NPAS3: variants seen among roughly 807,000 people sequenced by gnomAD.
NPAS3 encodes neuronal PAS domain-containing protein 3.
In NPAS3, 14 loss-of-function variants were observed where a neutral mutation model predicts 73.1. The ratio of observed to expected loss-of-function variants is 0.19; its 90% confidence interval spans 0.13 to 0.30. NPAS3 has a LOEUF of 0.30. NPAS3 is among the 10% of genes least tolerant of loss of function. The pLI is 1.00. For synonymous variants in NPAS3, 620 were observed against 541.5 expected (o/e 1.14, Z -2.01); for missense variants, 1,096 against 1,250.0 (o/e 0.88, Z 1.86).
chr14:33,263,496 A>C (rs916269470), intron 3 of NPAS3, among the ~76,000 whole-genome samples: 1 of 152,330 alleles, frequency 6.6e-6, no homozygotes, highest in Non-Finnish European at 1.5e-5. Context: ...TTTTGGTACC[A>C]GTACCACGCT....
intron 3 of NPAS3, among the ~76,000 whole-genome samples, chr14:33,242,928 C>G (rs1290305218): frequency 6.6e-6 from 1 of 151,914 alleles, no homozygotes. Flanking sequence ...AACGAGTGGC[C>G]CTTAAAGTCT....
intron 7 of NPAS3, among the ~76,000 whole-genome samples, chr14:33,738,937 A>G (rs2061591179): frequency 6.6e-6 from 1 of 152,180 alleles, no homozygotes; most frequent in Admixed American, 6.6e-5. Flanking sequence ...GGGAAGACTA[A>G]TTGGGTCGCC....
At chr14:33,526,896 T>C (rs1486027786) in intron 4 of NPAS3, among the ~76,000 whole-genome samples, 2 of 152,102 alleles carry the variant, frequency 1.3e-5, no homozygotes, top group African/African-American at 4.8e-5. Flanking sequence ...TAACCTAATA[T>C]TCATTCATTT....
At chr14:33,321,841 A>C (rs2043460815) in intron 3 of NPAS3, among the ~76,000 whole-genome samples, 3 of 152,182 alleles carry the variant, frequency 2.0e-5, no homozygotes, top group Non-Finnish European at 4.4e-5. Flanking sequence ...CAGTAACTGG[A>C]AAGTTCTTAA....
chr14:33,109,810 CTTTTT>C (rs67439887), intron 2 of NPAS3, among the ~76,000 whole-genome samples: 3 of 86,974 alleles, frequency 3.4e-5, no homozygotes, highest in Non-Finnish European at 6.3e-5. Flanking sequence ...ATTTGCATGT[CTTTTT>C]TTTTTTTTTT....
intron 1 of NPAS3, among the ~76,000 whole-genome samples, chr14:32,989,694 T>C (rs1356821664): frequency 5.9e-5 from 9 of 152,060 alleles, no homozygotes; most frequent in Non-Finnish European, 1.3e-4. Context: ...AAAAACCTTG[T>C]ATTCTATGCA....
chr14:33,509,617 C>A (rs2052941527), intron 4 of NPAS3, among the ~76,000 whole-genome samples: 1 of 151,896 alleles, frequency 6.6e-6, no homozygotes, highest in Non-Finnish European at 1.5e-5. Context: ...GTTAAGGAGA[C>A]CTGGAGGAGG....
chr14:33,307,874 C>T (rs1281011813), intron 3 of NPAS3, among the ~76,000 whole-genome samples: 2 of 152,238 alleles, frequency 1.3e-5, no homozygotes, highest in African/African-American at 4.8e-5. Flanking sequence ...TATTTTCCTG[C>T]CTGGGTGAGT....
intron 2 of NPAS3, among the ~76,000 whole-genome samples, chr14:33,095,661 T>TTTC (rs2042385128): frequency 8.4e-6 from 1 of 119,204 alleles, no homozygotes. Flanking sequence ...TCTCTGCTTT[T>TTTC]ATTTTTTTAT....
rs2062775041 is a variant in NPAS3 at position 33,775,237 on chromosome 14, G to A, written c.1046+707G>A. 1.3e-5 allele frequency among the ~76,000 whole-genome samples: 2 copies of A among 152,148 alleles called. 1 individual carries two copies. The highest frequency in any genetic ancestry group is 4.2e-4 in the South Asian group (2 of 4,816). On this transcript the variant is annotated intron_variant, in intron 8 of 11. Transcript: ENST00000356141. ...TCAGCAGCCCCTTATCAGACTGATTGGAAGAGGAAACCATGGGGTGCAGGG... is the reference window on the plus strand; with the variant it reads ...TCAGCAGCCCCTTATCAGACTGATTAGAAGAGGAAACCATGGGGTGCAGGG...
chr14:33,077,901 A>AT lies in NPAS3; in HGVS notation c.140+21911dup, dbSNP rs1383592662. Among the ~76,000 whole-genome samples the AT allele has an allele frequency of 8.0e-5, 12 of 150,622 alleles. No homozygotes were observed. In the Admixed American group the frequency reaches 8.0e-4, roughly 10 times the overall value. ...AGTGGCTCACGCCTGTAATCCTCGC[A>AT]TTTTGGGAAGCTGATTGCCTGAGCT... On this transcript the variant is annotated intron_variant, in intron 2 of 11. Transcript: ENST00000356141.
chr14:33,314,167 C>A (rs1298585550), intron 3 of NPAS3, among the ~76,000 whole-genome samples: 1 of 151,928 alleles, frequency 6.6e-6, no homozygotes, highest in Non-Finnish European at 1.5e-5. Context: ...TTAGATCAAT[C>A]CAAAGGGTTT....
At chr14:32,944,848 T>C (rs535479349) in intron 1 of NPAS3, among the ~76,000 whole-genome samples, 2 of 152,228 alleles carry the variant, frequency 1.3e-5, no homozygotes, top group Non-Finnish European at 2.9e-5. Flanking sequence ...GGTGAATTAA[T>C]TGAAATACTG....
chr14:33,782,641 CA>C (rs2063012242), intron 9 of NPAS3, among the ~76,000 whole-genome samples: 1 of 152,086 alleles, frequency 6.6e-6, no homozygotes, highest in African/African-American at 2.4e-5. Flanking sequence ...TGTGGGATTT[CA>C]GAGAAAAGGA....
chr14:32,970,244 A>G (rs1176762701), intron 1 of NPAS3, among the ~76,000 whole-genome samples: 1 of 152,164 alleles, frequency 6.6e-6, no homozygotes, highest in African/African-American at 2.4e-5. Context: ...AAAATTCTCA[A>G]TTTTTGAGAA....
intron 4 of NPAS3, among the ~76,000 whole-genome samples, chr14:33,463,005 T>A (rs939073014): frequency 1.2e-4 from 18 of 152,322 alleles, no homozygotes; most frequent in South Asian, 4.2e-4. Context: ...ATTCTGTGAG[T>A]TAACGATTTC....
chr14:33,673,892 T>A (rs138523225), intron 5 of NPAS3, among the ~76,000 whole-genome samples: 16 of 152,348 alleles, frequency 1.1e-4, no homozygotes, highest in Admixed American at 3.3e-4. Flanking sequence ...GTCCAAGTAG[T>A]GGGGCATTCC....
intron 4 of NPAS3, among the ~76,000 whole-genome samples, chr14:33,429,154 T>C (rs750382254): frequency 2.6e-4 from 40 of 152,194 alleles, no homozygotes; most frequent in Middle Eastern, 3.4e-3. Context: ...AGAGGGAAGA[T>C]TAAAAATAAA....
chr14:33,307,593 A>ATGTGTGTGTGTGTG (rs10528551), intron 3 of NPAS3, among the ~76,000 whole-genome samples: 49,757 of 138,810 alleles, frequency 0.36, 8,719 homozygotes, highest in Admixed American at 0.39. Context: ...TTTTTTTTCA[A>ATGTGTGTGTGTGTG]TGTGTGTGTG....
Sources: allele counts gnomAD v4.1 joint callset (sites outside exome capture counted in the v4.1 genomes callset), GRCh38; gene constraint gnomAD v4.1.1; transcripts MANE v1.5; gene names NCBI Gene and HGNC (gene_info 2026-07-23, HGNC 2026-07-21).